Variants in MAMDC2 observed in about 807,000 individuals in gnomAD.
The protein encoded by MAMDC2 is MAM domain containing 2.
Under a neutral mutation model 89.8 loss-of-function variants are expected in MAMDC2, and 57 were observed. The observed-to-expected ratio is 0.63, with a 90% CI of 0.51 to 0.79. The LOEUF (loss-of-function observed/expected upper bound fraction) is 0.79. Among genes scored for constraint, MAMDC2 ranks in the 30% least tolerant of loss-of-function variants. The probability of loss-of-function intolerance (pLI) is 0.00; values close to 1 mark genes in which losing one functional copy is unlikely to be tolerated. For missense variants in MAMDC2, 800 were observed against 820.6 expected, an observed-to-expected ratio of 0.97 and a Z score of 0.31; for synonymous variants, 313 against 293.4, an observed-to-expected ratio of 1.07 and a Z score of -0.68.
chr9:70,099,980 A>AAGAGAGAGAG (rs60292765), intron 2 of MAMDC2, among the ~76,000 whole-genome samples: 5,140 of 115,384 alleles, frequency 0.045, 255 homozygotes, highest in Non-Finnish European at 0.06. Context: ...GCCAAAAAGA[A>AAGAGAGAGAG]AGAGAGAGAG....
chr9:70,124,249 TG>T (rs2030422109), intron 5 of MAMDC2, among the ~76,000 whole-genome samples: 1 of 152,220 alleles, frequency 6.6e-6, no homozygotes, highest in Non-Finnish European at 1.5e-5. Context: ...GCTTGATTTC[TG>T]TTTCTCGATG....
intron 2 of MAMDC2, among the ~76,000 whole-genome samples, chr9:70,078,846 C>T (rs1275295167): frequency 6.6e-6 from 1 of 151,322 alleles, no homozygotes; most frequent in Non-Finnish European, 1.5e-5. Flanking sequence ...ATGCAAGCTG[C>T]CATGTCCTGC....
At chr9:70,208,502 G>C (rs1394500352) in intron 11 of MAMDC2, among the ~76,000 whole-genome samples, 1 of 152,298 alleles carries the variant, frequency 6.6e-6, no homozygotes, top group African/African-American at 2.4e-5. Flanking sequence ...AGACTTTGCT[G>C]AAGTTGCTTA....
At chr9:70,213,070 G>A (rs1304512842) in intron 11 of MAMDC2, among the ~76,000 whole-genome samples, 2 of 152,186 alleles carry the variant, frequency 1.3e-5, no homozygotes, top group Non-Finnish European at 2.9e-5. Context: ...TGATCCTGGG[G>A]ATAATTAAGA....
intron 11 of MAMDC2, among the ~76,000 whole-genome samples, chr9:70,175,198 G>A (rs113419237): frequency 1.4e-4 from 21 of 152,188 alleles, no homozygotes; most frequent in African/African-American, 4.8e-4. Flanking sequence ...AGAGGCTACT[G>A]CACATAACCC....
intron 2 of MAMDC2, among the ~76,000 whole-genome samples, chr9:70,067,036 A>G (rs554177005): frequency 6.6e-6 from 1 of 152,292 alleles, no homozygotes; most frequent in African/African-American, 2.4e-5. Context: ...TGAGGAAGAG[A>G]AAGGGAAGAA....
intron 1 of MAMDC2, 40 bp from the exon 2 acceptor site, chr9:70,044,544 C>G (rs1826691374): frequency 6.7e-7 from 1 of 1,503,104 alleles, no homozygotes; most frequent in Non-Finnish European, 9.0e-7. Context: ...GCAAAGGCTC[C>G]TGGGTGGAGC....
At chr9:70,103,415 GA>G (rs1457620071) in intron 2 of MAMDC2, among the ~76,000 whole-genome samples, 1 of 151,986 alleles carries the variant, frequency 6.6e-6, no homozygotes, top group Non-Finnish European at 1.5e-5. Flanking sequence ...ATCGAATTGA[GA>G]AGTCCAGAAA....
At chr9:70,091,066 T>C (rs532532612) in intron 2 of MAMDC2, among the ~76,000 whole-genome samples, 2 of 152,208 alleles carry the variant, frequency 1.3e-5, no homozygotes, top group African/African-American at 4.8e-5. Flanking sequence ...TCTAAAGATA[T>C]GTTTGTGTGT....
intron 2 of MAMDC2, among the ~76,000 whole-genome samples, chr9:70,093,227 T>C (rs1827946004): frequency 6.6e-6 from 1 of 152,210 alleles, no homozygotes; most frequent in Admixed American, 6.5e-5. Flanking sequence ...AGAAAAAATA[T>C]TCAGCCATGC....
At chr9:70,199,051 T>C in intron 11 of MAMDC2, among the ~76,000 whole-genome samples, 1 of 1,862 alleles carries the variant, frequency 5.4e-4, no homozygotes, top group Non-Finnish European at 1.1e-3. Flanking sequence ...TTATTTTTTT[T>C]TTCGTTTGTT....
rs1563959968 is a variant in MAMDC2 at position 70,113,090 on chromosome 9, C to T, written c.601C>T (p.His201Tyr). The change falls in exon 5 of 14, where the codon CAC becomes TAC. Residue 201 changes from histidine to tyrosine, a missense_variant. Coordinates refer to ENST00000377182, the MANE Select transcript of MAMDC2 (RefSeq NM_153267.5). ...TGGAGGAGGAAGTATTCGGAATGTC[C>T]ACTCCATTCTCCCACAGGATCACAC... ...FVGGGSIRNV[H>Y]SILPQDHTFK... 1.2e-6 allele frequency: 2 copies of T among 1,614,052 alleles called. No individual in the cohort carries two copies. The highest frequency in any genetic ancestry group is 1.7e-6 in the Non-Finnish European group (2 of 1,179,970).
intron 11 of MAMDC2, among the ~76,000 whole-genome samples, chr9:70,214,254 T>G (rs1307489541): frequency 6.6e-6 from 1 of 152,150 alleles, no homozygotes; most frequent in Non-Finnish European, 1.5e-5. Flanking sequence ...AATAGTATAG[T>G]CAGAACAGGT....
intron 11 of MAMDC2, among the ~76,000 whole-genome samples, chr9:70,183,935 G>T (rs528227308): frequency 6.6e-6 from 1 of 152,264 alleles, no homozygotes; most frequent in South Asian, 2.1e-4. Flanking sequence ...GATGGTAGCT[G>T]GTTATTGTGG....
At chr9:70,123,517 C>T (rs796694729) in intron 5 of MAMDC2, among the ~76,000 whole-genome samples, 15 of 152,132 alleles carry the variant, frequency 9.9e-5, no homozygotes, top group African/African-American at 2.9e-4. Flanking sequence ...GTTTATTTGG[C>T]GCATACAAAG....
At chr9:70,129,769 T>G (rs921984734) in intron 6 of MAMDC2, among the ~76,000 whole-genome samples, 1 of 152,226 alleles carries the variant, frequency 6.6e-6, no homozygotes, top group African/African-American at 2.4e-5. Context: ...GCCTCGTATT[T>G]GTTTGCTAGG....
At chr9:70,161,251 A>G (rs1228990813) in intron 9 of MAMDC2, among the ~76,000 whole-genome samples, 1 of 152,046 alleles carries the variant, frequency 6.6e-6, no homozygotes, top group Non-Finnish European at 1.5e-5. Context: ...AAGTTCAGCT[A>G]CAGGCCTGTA....
rs148204053 is a variant in MAMDC2, at chr9:70,218,595, A to G, written c.1910A>G (p.Gln637Arg). ...GAATACAGCTGTGAGAGGCAACACC[A>G]GGTAAGCCAACAGAGATAAGAACTA... ...LIEYSCERQHQIIFEAIRGVS... is the reference protein window; with the variant it reads ...LIEYSCERQHRIIFEAIRGVS... Residue 637 changes from glutamine to arginine, a missense_variant and splice_region_variant, in exon 12 of 14, where the codon CAG becomes CGG. Physicochemically the swap from Gln to Arg is conservative, Grantham distance 43. Coordinates refer to ENST00000377182, the MANE Select transcript of MAMDC2 (RefSeq NM_153267.5). 123 of 1,602,228 alleles carry G rather than the reference A, an allele frequency of 7.7e-5. No individual in the cohort carries two copies. In the African/African-American group the frequency reaches 1.4e-3, roughly 18 times the overall value.
chr9:70,112,812 C>A (rs1828545217), intron 4 of MAMDC2, among the ~76,000 whole-genome samples, 183 bp from the exon 5 acceptor site: 1 of 152,190 alleles, frequency 6.6e-6, no homozygotes, highest in Admixed American at 6.5e-5. Flanking sequence ...GAATTAGAAT[C>A]TTGATTCATT....
Sources: allele counts gnomAD v4.1 joint callset (sites outside exome capture counted in the v4.1 genomes callset), GRCh38; gene constraint gnomAD v4.1.1; transcripts MANE v1.5; gene names NCBI Gene and HGNC (gene_info 2026-07-23, HGNC 2026-07-21).